Variants in SELENOI observed in about 807,000 individuals in gnomAD.
The protein encoded by SELENOI is ethanolaminephosphotransferase 1.
SELENOI carries 24 observed loss-of-function variants against 50.7 expected under a neutral mutation model. The ratio of observed to expected loss-of-function variants is 0.47; its 90% CI spans 0.34 to 0.67. The LOEUF (loss-of-function observed/expected upper bound fraction) is 0.67. Among genes scored for constraint, SELENOI ranks in the 30% least tolerant of loss-of-function variants. SELENOI has a pLI of 0.01. For missense variants in SELENOI, 352 were observed against 461.4 expected (o/e 0.76, Z 2.17); for synonymous variants, 155 against 170.2 (o/e 0.91, Z 0.70).
At chr2:26,368,262 A>G (rs1677332504) in intron 4 of SELENOI, among the ~76,000 whole-genome samples, 1 of 152,242 alleles carries the variant, frequency 6.6e-6, no homozygotes, top group African/African-American at 2.4e-5. Context: ...AAAGCTACAT[A>G]TTTAGGCAGA....
intron 1 of SELENOI, among the ~76,000 whole-genome samples, chr2:26,360,466 C>A (rs1166541455): frequency 6.6e-6 from 1 of 152,202 alleles, no homozygotes; most frequent in Non-Finnish European, 1.5e-5. Flanking sequence ...AAAAGCGGAG[C>A]TTTTCAAGTC....
At chr2:26,363,762 GTATTAT>G (rs886395688) in intron 1 of SELENOI, among the ~76,000 whole-genome samples, 4 of 151,868 alleles carry the variant, frequency 2.6e-5, no homozygotes, top group Admixed American at 1.3e-4. Flanking sequence ...GGTTATTTTT[GTATTAT>G]TATTATTATT....
chr2:26,346,503 A>T (rs972810123), intron 1 of SELENOI: 1 of 517,394 alleles, frequency 1.9e-6, no homozygotes, highest in Non-Finnish European at 3.3e-6. Context: ...CCCCCGGGAG[A>T]TTTCCTTTTC....
Position 26,389,781 on chromosome 2 carries a change from C to T in SELENOI, c.*678C>T, listed in dbSNP as rs1399851719. On this transcript the variant is annotated 3_prime_UTR_variant, in exon 10 of 10. Coordinates refer to ENST00000260585, the MANE Select transcript of SELENOI (RefSeq NM_033505.4). The stretch of plus-strand genomic sequence containing the variant: ...TTGAGAATGGGTTGTAATTATCGCT[C>T]ACCCATTGGGATGGTTCATTGTTTA... The T allele has an allele frequency of 1.3e-5, 2 of 152,266 alleles. No individual in the cohort carries two copies. The highest frequency in any genetic ancestry group is 2.9e-5 in the Non-Finnish European group (2 of 68,006). 9.4% of individuals were successfully genotyped at this position (152,266 alleles called of 1,614,324 possible).
At chr2:26,346,415 C>T in intron 1 of SELENOI, 126 bp downstream of exon 1, 3 of 1,205,668 alleles carry the variant, frequency 2.5e-6, no homozygotes, top group Non-Finnish European at 3.3e-6. Flanking sequence ...GGGCGTTCCT[C>T]CGGAGGTCCT....
chr2:26,394,505 G>A lies in SELENOI; in HGVS notation c.*5402G>A, dbSNP rs1678044207. ...ACTGCTCACAATATTAACTTTTTTT[G>A]TAGGTTATTTTGTTGTTTAGATAAC... On this transcript the variant is annotated 3_prime_UTR_variant, in exon 10 of 10. Coordinates refer to ENST00000260585, the MANE Select transcript of SELENOI (RefSeq NM_033505.4). This position sits in a 1 kb window ranked among gnomAD's most constrained non-coding sequence, Gnocchi z 4.1. The A allele has an allele frequency of 6.6e-6, 1 of 152,146 alleles. No individual in the cohort carries two copies. The highest frequency in any genetic ancestry group is 6.5e-5 in the Admixed American group (1 of 15,286). 9.4% of individuals were successfully genotyped at this position (152,146 alleles called of 1,614,324 possible).
intron 4 of SELENOI, among the ~76,000 whole-genome samples, chr2:26,372,183 G>C (rs971964909): frequency 6.6e-6 from 1 of 152,172 alleles, no homozygotes; most frequent in African/African-American, 2.4e-5. Context: ...TGTGATCTCA[G>C]CTCACTGCAA....
rs147570982 is a variant in SELENOI, at chr2:26,356,956, C to CCA, written c.58-7332_58-7331dup. On this transcript the variant is annotated intron_variant, in intron 1 of 9. Coordinates refer to ENST00000260585, the MANE Select transcript of SELENOI (RefSeq NM_033505.4). ...CTTGGCATGTATTACATCCCTACCT[C>CCA]CACACACACACACACGTGAGTCATA... Among the ~76,000 whole-genome samples the CCA allele has an allele frequency of 5.4e-3, 816 of 151,522 alleles. 32 individuals carry two copies. The South Asian group carries it at 0.081, about 15-fold the overall frequency.
At chr2:26,346,526 C>G in intron 1 of SELENOI, 1 of 460,554 alleles carries the variant, frequency 2.2e-6, no homozygotes, top group Non-Finnish European at 3.8e-6. Context: ...TAGGAGAGCG[C>G]TCAGTGATCA....
At chr2:26,368,660 T>C (rs201084693) in intron 4 of SELENOI, among the ~76,000 whole-genome samples, 2 of 152,034 alleles carry the variant, frequency 1.3e-5, no homozygotes, top group East Asian at 3.8e-4. Context: ...ATTACCTTTT[T>C]AAGAAAAAAA....
chr2:26,370,910 CG>C (rs1677417047), intron 4 of SELENOI, among the ~76,000 whole-genome samples: 1 of 91,834 alleles, frequency 1.1e-5, no homozygotes, highest in Non-Finnish European at 2.5e-5. Flanking sequence ...CCGGACGGGG[CG>C]GCTGGCCGGG....
intron 1 of SELENOI, among the ~76,000 whole-genome samples, chr2:26,355,086 T>G (rs1336897907): frequency 1.3e-5 from 2 of 152,230 alleles, no homozygotes; most frequent in Non-Finnish European, 2.9e-5. Flanking sequence ...TTCTGAAAAC[T>G]GAATGAGTTA....
intron 6 of SELENOI, among the ~76,000 whole-genome samples, chr2:26,378,540 T>C (rs1449700429): frequency 6.6e-6 from 1 of 152,210 alleles, no homozygotes; most frequent in East Asian, 1.9e-4. Flanking sequence ...TTCTAGTTCC[T>C]CTGCTGCTCT....
At chr2:26,365,708 C>A (rs1217606390) in intron 3 of SELENOI, among the ~76,000 whole-genome samples, 1 of 151,828 alleles carries the variant, frequency 6.6e-6, no homozygotes, top group African/African-American at 2.4e-5. Context: ...ATGAGTTCAG[C>A]AGACTTTTCT....
chr2:26,371,523 A>G (rs1167969399), intron 4 of SELENOI, among the ~76,000 whole-genome samples: 1 of 152,114 alleles, frequency 6.6e-6, no homozygotes, highest in African/African-American at 2.4e-5. Flanking sequence ...TGGGAGGTGG[A>G]GGTTGTAGCG....
chr2:26,367,955 C>T (rs574119710), intron 4 of SELENOI, among the ~76,000 whole-genome samples: 1 of 152,320 alleles, frequency 6.6e-6, no homozygotes, highest in Non-Finnish European at 1.5e-5. Context: ...TGTTTGTTAT[C>T]TCTCTTTTCT....
rs1558409882 is a variant in SELENOI, at chr2:26,351,051, G to GTTGT, written c.57+4764_57+4765insGTTT. 3.6e-4 allele frequency among the ~76,000 whole-genome samples: 37 copies of GTTGT among 102,050 alleles called. 1 individual carries two copies. Among genetic ancestry groups the GTTGT allele is most frequent in the African/African-American group, 1.8e-3 (32 of 18,010 alleles). 66.9% of individuals were successfully genotyped at this position (102,050 alleles called of 152,430 possible). On this transcript the variant is annotated intron_variant, in intron 1 of 9. Coordinates refer to ENST00000260585, the MANE Select transcript of SELENOI (RefSeq NM_033505.4). ...GTAGAGAATTGGTTGTTCACTGTTTGTTTGTTTTTTTTTTTTTTTTTTTTT... is the reference window on the plus strand; with the variant it reads ...GTAGAGAATTGGTTGTTCACTGTTTGTTGTTTTGTTTTTTTTTTTTTTTTTTTTT...
At chr2:26,362,339 A>G (rs545155771) in intron 1 of SELENOI, among the ~76,000 whole-genome samples, 1 of 152,238 alleles carries the variant, frequency 6.6e-6, no homozygotes, top group South Asian at 2.1e-4. Flanking sequence ...TGAAACACTG[A>G]TGTATTTCTT....
At chr2:26,388,310 T>C (rs534064985) in intron 9 of SELENOI, among the ~76,000 whole-genome samples, 5 of 152,300 alleles carry the variant, frequency 3.3e-5, no homozygotes, top group Admixed American at 2.6e-4. Flanking sequence ...AACCAAAATA[T>C]ACTTTTCTTT....
Sources: gnomAD v4.1 joint callset for allele counts (sites outside exome capture counted in the v4.1 genomes callset) on GRCh38, gnomAD v4.1.1 for gene constraint, Gnocchi (gnomAD v3.1) non-coding constraint, MANE v1.5 for transcripts, NCBI Gene and HGNC (gene_info 2026-07-23, HGNC 2026-07-21) for gene names.